Variants in LMBR1 observed in about 807,000 individuals in gnomAD.
LMBR1 encodes limb region 1 protein homolog.
Under a neutral mutation model 73.9 loss-of-function variants are expected in LMBR1, and 52 were observed. That is an observed-to-expected ratio of 0.70 (90% CI 0.56 to 0.89). The LOEUF (loss-of-function observed/expected upper bound fraction) is 0.89. Among genes scored for constraint, LMBR1 ranks in the 40% least tolerant of loss-of-function variants. LMBR1 has a pLI of 0.00. For synonymous variants in LMBR1, 215 were observed against 209.4 expected (o/e 1.03, Z -0.23); for missense variants, 539 against 579.8 (o/e 0.93, Z 0.72).
intron 5 of LMBR1, among the ~76,000 whole-genome samples, chr7:156,784,017 C>T (rs1219567854): frequency 6.8e-6 from 1 of 146,338 alleles, no homozygotes; most frequent in Non-Finnish European, 1.5e-5. Flanking sequence ...TTTTTTACAG[C>T]ATCACACTAT....
chr7:156,741,304 T>C (rs912229931), intron 9 of LMBR1, among the ~76,000 whole-genome samples: 1 of 152,084 alleles, frequency 6.6e-6, no homozygotes, highest in Non-Finnish European at 1.5e-5. Context: ...TCCTTACTTA[T>C]CAATAATAAC....
intron 4 of LMBR1, among the ~76,000 whole-genome samples, chr7:156,801,733 T>C (rs540405418): frequency 6.6e-6 from 1 of 152,186 alleles, no homozygotes; most frequent in East Asian, 1.9e-4. Flanking sequence ...GGTTTCACCA[T>C]GTTGTCCAGT....
At chr7:156,694,885 G>C (rs945693027) in intron 15 of LMBR1, among the ~76,000 whole-genome samples, 26 of 152,220 alleles carry the variant, frequency 1.7e-4, no homozygotes, top group African/African-American at 4.1e-4. Context: ...TTCCTTAAAA[G>C]ACACTAACAA....
At chr7:156,870,086 A>C (rs933986231) in intron 1 of LMBR1, among the ~76,000 whole-genome samples, 1 of 152,212 alleles carries the variant, frequency 6.6e-6, no homozygotes, top group Non-Finnish European at 1.5e-5. Context: ...GACAGAACTA[A>C]AGGGAGAAAT....
At chr7:156,739,205 C>G (rs752148709) in intron 9 of LMBR1, among the ~76,000 whole-genome samples, 7 of 152,152 alleles carry the variant, frequency 4.6e-5, no homozygotes, top group African/African-American at 7.2e-5. Context: ...TCCCCATGGG[C>G]TGGCAGTGGC....
intron 15 of LMBR1, among the ~76,000 whole-genome samples, chr7:156,690,329 T>C: frequency 6.6e-6 from 1 of 152,278 alleles, no homozygotes; most frequent in Non-Finnish European, 1.5e-5. Context: ...CTTCACACAG[T>C]CCAACGACTT....
At chr7:156,792,977 G>C (rs905236436) in intron 5 of LMBR1, among the ~76,000 whole-genome samples, 1 of 151,764 alleles carries the variant, frequency 6.6e-6, no homozygotes, top group African/African-American at 2.4e-5. Flanking sequence ...GCTCAAATTA[G>C]TGCGCTGAAT....
At chr7:156,677,575 G>A (rs925408533), downstream of LMBR1, among the ~76,000 whole-genome samples, 1 of 152,162 alleles carries the variant, frequency 6.6e-6, no homozygotes, top group Non-Finnish European at 1.5e-5. Flanking sequence ...GAAAGGGCAG[G>A]GTGTAGGCCT....
chr7:156,834,418 TAGGGAG>T (rs1276963857), intron 2 of LMBR1: 1 of 172,118 alleles, frequency 5.8e-6, no homozygotes, highest in Non-Finnish European at 1.2e-5. Context: ...TTAAGCAACA[TAGGGAG>T]ACTCCATCTT....
intron 5 of LMBR1, among the ~76,000 whole-genome samples, chr7:156,786,609 T>C (rs1272730412): frequency 6.6e-6 from 1 of 152,176 alleles, no homozygotes. Flanking sequence ...TGATAACACT[T>C]GAAGAGTGAA....
At chr7:156,727,499 G>A (rs959197392) in intron 12 of LMBR1, among the ~76,000 whole-genome samples, 1 of 152,162 alleles carries the variant, frequency 6.6e-6, no homozygotes, top group Non-Finnish European at 1.5e-5. Flanking sequence ...TTGTCTGTCT[G>A]TAGGATGAGG....
chr7:156,699,966 G>C (rs184019011), intron 15 of LMBR1, among the ~76,000 whole-genome samples: 1,634 of 150,416 alleles, frequency 0.011, 30 homozygotes, highest in African/African-American at 0.037. Flanking sequence ...ACTGTCAACC[G>C]TTGTGGAAGT....
intron 4 of LMBR1, among the ~76,000 whole-genome samples, chr7:156,802,518 A>G (rs1563397968): frequency 6.6e-6 from 1 of 152,238 alleles, no homozygotes; most frequent in Non-Finnish European, 1.5e-5. Flanking sequence ...GCTGAACTAA[A>G]GAAGTAGTCT....
At chr7:156,824,602 G>A (rs1586049363) in intron 4 of LMBR1, among the ~76,000 whole-genome samples, 1 of 152,116 alleles carries the variant, frequency 6.6e-6, no homozygotes, top group African/African-American at 2.4e-5. Flanking sequence ...CGGCACTTTG[G>A]GAGGCCAAGG....
chr7:156,828,887 T>A (rs1836159772), intron 3 of LMBR1, among the ~76,000 whole-genome samples: 1 of 152,208 alleles, frequency 6.6e-6, no homozygotes, highest in African/African-American at 2.4e-5. Flanking sequence ...CTTTTCCTCC[T>A]TTTTCCTTTT....
intron 1 of LMBR1, among the ~76,000 whole-genome samples, chr7:156,889,961 G>T (rs529356218): frequency 1.3e-5 from 2 of 152,174 alleles, no homozygotes; most frequent in Admixed American, 1.3e-4. Context: ...CCATGATTGC[G>T]CCACTGCACG....
chr7:156,672,415 A>C (rs1802751297), intron 4 of LMBR1, among the ~76,000 whole-genome samples: 1 of 152,200 alleles, frequency 6.6e-6, no homozygotes. Context: ...AGGCAGAAGG[A>C]GGCAATAGGT....
chr7:156,691,561 T>C (rs995985436), intron 15 of LMBR1, among the ~76,000 whole-genome samples: 4 of 152,192 alleles, frequency 2.6e-5, no homozygotes, highest in African/African-American at 9.7e-5. Flanking sequence ...AGCAAGCTTA[T>C]TCATCTTCCT....
In LMBR1 at chr7:156,761,438, A is replaced by G. The variant is rs202008572; in HGVS notation, c.684+696T>C. ...ATGCTTCAATTAATCGAGACACAAT[A>G]TGCAGACAAATTTTCAGAAATATAA... On this transcript the variant is annotated intron_variant, in intron 8 of 16. Transcript: ENST00000353442. 4.0e-4 allele frequency among the ~76,000 whole-genome samples: 61 copies of G among 152,346 alleles called. 1 individual carries two copies. The East Asian group carries it at 6.7e-3, about 17-fold the overall frequency.
Sources: allele counts gnomAD v4.1 joint callset (sites outside exome capture counted in the v4.1 genomes callset), GRCh38; gene constraint gnomAD v4.1.1; transcripts MANE v1.5; gene names NCBI Gene and HGNC (gene_info 2026-07-23, HGNC 2026-07-21).